Variants in PWWP2A observed in about 807,000 individuals in gnomAD.
The protein encoded by PWWP2A is PWWP domain-containing protein 2A.
A neutral mutation model predicts 48.5 loss-of-function variants in PWWP2A; 18 were observed. That is an observed-to-expected ratio of 0.37 (90% CI 0.26 to 0.55). The LOEUF is 0.55. Ranked by LOEUF, PWWP2A falls within the 20% of genes least tolerant of loss-of-function variation. The pLI, the probability that PWWP2A is intolerant of heterozygous loss-of-function variation, is 0.81. For synonymous variants in PWWP2A, 396 were observed against 387.7 expected, an observed-to-expected ratio of 1.02 and a Z score of -0.25; for missense variants, 867 against 976.4, an observed-to-expected ratio of 0.89 and a Z score of 1.49.
chr5:160,102,682 G>C (rs1345720397), intron 1 of PWWP2A, among the ~76,000 whole-genome samples: 2 of 152,154 alleles, frequency 1.3e-5, no homozygotes, highest in Non-Finnish European at 2.9e-5. Context: ...CGGAGAAACA[G>C]GACAACACCC....
Position 160,092,451 on chromosome 5 carries a change from T to G in PWWP2A, c.2199A>C (p.Thr733=), listed in dbSNP as rs1388482372. Residue 733 remains threonine, a synonymous_variant, in exon 2 of 2, where the codon ACA becomes ACC. Transcript: ENST00000307063. ...KRKGLYRKAI[T]EAAKAAKQLT... ...GCTGCTTGGCAGCCTTAGCTGCCTC[T>G]GTGATAGCCTTGCGATACAGGCCCT... 1.3e-6 allele frequency: 2 copies of G among 1,551,504 alleles called. No homozygotes were observed. Among genetic ancestry groups the G allele is most frequent in the Non-Finnish European group, 1.7e-6 (2 of 1,146,956 alleles).
rs79750225 is a variant in PWWP2A, at chr5:160,097,863, G to A, written c.585-3798C>T. Among the ~76,000 whole-genome samples the A allele has an allele frequency of 4.0e-4, 61 of 151,612 alleles. 1 individual carries two copies. In the East Asian group the frequency reaches 0.011, roughly 28 times the overall value. ...CCTGAGCAGCTAGGATTACAGACGC[G>A]AGCCATCACGCCTGGCTAATTTTTG... On this transcript the variant is annotated intron_variant, in intron 1 of 1. Coordinates refer to ENST00000307063, the MANE Select transcript of PWWP2A (RefSeq NM_001130864.2).
At chr5:160,115,053 C>T (rs1459446049) in intron 1 of PWWP2A, among the ~76,000 whole-genome samples, 1 of 144,826 alleles carries the variant, frequency 6.9e-6, no homozygotes, top group African/African-American at 2.6e-5. Context: ...AGAAGAATCA[C>T]TTGAACCCGG....
chr5:160,092,117 C>A lies in PWWP2A; in HGVS notation c.*265G>T. 1 of 1,167,340 alleles carries A rather than the reference C, an allele frequency of 8.6e-7. No homozygotes were observed. 72.3% of individuals were successfully genotyped at this position (1,167,340 alleles called of 1,614,324 possible). The stretch of plus-strand genomic sequence containing the variant: ...TACAAAAATTCAATTTCAGTTGAGG[C>A]TATGGCTCCTATGCCTTGGGATGGT... On this transcript the variant is annotated 3_prime_UTR_variant, in exon 2 of 2. Transcript: ENST00000307063.
intron 2 of PWWP2A, among the ~76,000 whole-genome samples, chr5:160,082,388 G>A (rs1345071380): frequency 6.6e-6 from 1 of 150,972 alleles, no homozygotes; most frequent in Non-Finnish European, 1.5e-5. Flanking sequence ...AGCTTGCAGT[G>A]AGCCGAGATC....
downstream of PWWP2A, among the ~76,000 whole-genome samples, chr5:160,074,936 TA>T (rs1465277058): frequency 1.8e-5 from 2 of 112,230 alleles, no homozygotes; most frequent in African/African-American, 6.4e-5. Context: ...TTGTCTCTAT[TA>T]TTTAAATTAA....
Position 160,078,230 on chromosome 5 carries a change from A to C in PWWP2A, c.1670-62T>G. 11 of 1,329,468 alleles carry C rather than the reference A, an allele frequency of 8.3e-6. No homozygotes were observed. The highest frequency in any genetic ancestry group is 1.2e-5 in the Non-Finnish European group (11 of 945,480). The allele number at this position is 1,329,468 out of a possible 1,614,324, so 82.4% of individuals were successfully genotyped here. ...AAGCACAAGTAATTATATGAGGAAA[A>C]TGATGTCCTTGTTGTTTAAGCCCTA... On this transcript the variant is annotated intron_variant, in intron 3 of 3. Transcript: ENST00000456329. This position sits in a 1 kb window ranked among gnomAD's most constrained non-coding sequence, Gnocchi z 4.2.
intron 1 of PWWP2A, 64 bp downstream of exon 1, chr5:160,118,741 G>T (rs1335442052): frequency 3.0e-5 from 40 of 1,339,418 alleles, no homozygotes; most frequent in Non-Finnish European, 3.7e-5. Context: ...AGAGGGGGCC[G>T]CCCGGGCTCA....
chr5:160,090,311 C>A (rs1396249911), downstream of PWWP2A: 3 of 985,026 alleles, frequency 3.0e-6, no homozygotes, highest in Non-Finnish European at 3.6e-6. Flanking sequence ...GATCATTACA[C>A]AAAGCCTTGG....
intron 1 of PWWP2A, among the ~76,000 whole-genome samples, chr5:160,098,554 T>C (rs1048226130): frequency 6.6e-6 from 1 of 152,224 alleles, no homozygotes; most frequent in African/African-American, 2.4e-5. Context: ...GGTCACACTA[T>C]GATTAAAATA....
chr5:160,082,614 C>G (rs1172806528), intron 2 of PWWP2A, among the ~76,000 whole-genome samples: 1 of 152,170 alleles, frequency 6.6e-6, no homozygotes, highest in Non-Finnish European at 1.5e-5. Flanking sequence ...CTGCAACCCC[C>G]TGAAATGCCA....
intron 5 of PWWP2A, among the ~76,000 whole-genome samples, chr5:160,063,240 T>C (rs6861719): frequency 0.76 from 115,480 of 152,128 alleles, 43,878 homozygotes; most frequent in East Asian, 0.87. Flanking sequence ...GGCCATGCGT[T>C]TTTTTTGCTC....
chr5:160,086,367 T>A (rs940625406), downstream of PWWP2A, among the ~76,000 whole-genome samples: 3 of 151,906 alleles, frequency 2.0e-5, no homozygotes, highest in African/African-American at 7.3e-5. Context: ...AATAATTTTT[T>A]AAAATTGGTC....
chr5:160,091,885 A>G lies in PWWP2A; in HGVS notation c.*497T>C, dbSNP rs1755097001. ...AACAAGTAGTCATTAAATATCCACT[A>G]TTCCCCCAGCTCACCAAGCCCTTAT... On this transcript the variant is annotated 3_prime_UTR_variant, in exon 2 of 2. Coordinates refer to ENST00000307063, the MANE Select transcript of PWWP2A (RefSeq NM_001130864.2). 1 of 984,496 alleles carries G rather than the reference A, an allele frequency of 1.0e-6. No homozygotes were observed. The highest frequency in any genetic ancestry group is 4.7e-5 in the South Asian group (1 of 21,266). 61.0% of individuals were successfully genotyped at this position (984,496 alleles called of 1,614,324 possible).
downstream of PWWP2A, among the ~76,000 whole-genome samples, chr5:160,075,132 T>C (rs1753837656): frequency 6.6e-6 from 1 of 152,306 alleles, no homozygotes; most frequent in East Asian, 1.9e-4. Context: ...GAGTCTCCTG[T>C]AGGCCCTCTC....
chr5:160,095,099 T>C (rs924351531), intron 1 of PWWP2A, among the ~76,000 whole-genome samples: 1 of 134,398 alleles, frequency 7.4e-6, no homozygotes, highest in Non-Finnish European at 1.6e-5. Context: ...AATGTATACA[T>C]GCATCCATAT....
rs113523409 is a variant in PWWP2A at position 160,085,002 on chromosome 5, G to A, written c.1550-4232C>T. Among the ~76,000 whole-genome samples, 1,338 of 151,796 alleles carry A rather than the reference G, an allele frequency of 8.8e-3. 18 individuals carry two copies. The highest frequency in any genetic ancestry group is 0.031 in the African/African-American group (1,271 of 41,396). Reference sequence around the variant, plus strand: ...AAAAAAAGAAAAAGAAAAACAAGAAGCCCTTGCTAACACCTGATATGCATT... The same window carrying A: ...AAAAAAAGAAAAAGAAAAACAAGAAACCCTTGCTAACACCTGATATGCATT... On this transcript the variant is annotated intron_variant, in intron 2 of 3. Coordinates refer to the PWWP2A transcript ENST00000456329.
At chr5:160,054,760 T>C in the PWWP2A span, among the ~76,000 whole-genome samples, 1 of 152,076 alleles carries the variant, frequency 6.6e-6, no homozygotes, top group African/African-American at 2.4e-5. Context: ...TGAAGTCAGG[T>C]TTCATATGGC....
chr5:160,091,855 T>C lies in PWWP2A; in HGVS notation c.*527A>G, dbSNP rs1311742036. On this transcript the variant is annotated 3_prime_UTR_variant, in exon 2 of 2. Transcript: ENST00000307063. ...ATAGAAAGGCTAAGTGTTCATTATTTAAAAAACAAGTAGTCATTAAATATC... is the reference window on the plus strand; with the variant it reads ...ATAGAAAGGCTAAGTGTTCATTATTCAAAAAACAAGTAGTCATTAAATATC... 2 of 984,876 alleles carry C rather than the reference T, an allele frequency of 2.0e-6. No homozygotes were observed. Among genetic ancestry groups the C allele is most frequent in the African/African-American group, 3.5e-5 (2 of 57,116 alleles). The allele number at this position is 984,876 out of a possible 1,614,324, so 61.0% of individuals were successfully genotyped here. A position where few individuals can be genotyped will look rare whatever the true frequency, so the allele number is the denominator to read the frequency against.
Sources: allele counts gnomAD v4.1 joint callset (sites outside exome capture counted in the v4.1 genomes callset), GRCh38; gene constraint gnomAD v4.1.1; non-coding constraint Gnocchi (gnomAD v3.1); transcripts MANE v1.5; gene names NCBI Gene and HGNC (gene_info 2026-07-23, HGNC 2026-07-21).